Variants in SLC17A1 observed in about 807,000 individuals in gnomAD.
SLC17A1 encodes solute carrier family 17 member 1, also known as sodium-dependent phosphate transport protein 1.
A neutral mutation model predicts 53.5 loss-of-function variants in SLC17A1; 51 were observed. The ratio of observed to expected loss-of-function variants is 0.95; its 90% CI spans 0.76 to 1.20. The LOEUF is 1.20. Ranked by LOEUF, SLC17A1 falls within the 50% of genes most tolerant of loss-of-function variation. The pLI is 0.00. For missense variants in SLC17A1, 538 were observed against 568.2 expected, an observed-to-expected ratio of 0.95 and a Z score of 0.54; for synonymous variants, 179 against 198.8, an observed-to-expected ratio of 0.90 and a Z score of 0.84.
chr6:25,774,792 A>AAGTCAAG, the SLC17A1 span, among the ~76,000 whole-genome samples: 9 of 152,180 alleles, frequency 5.9e-5, no homozygotes. Context: ...CCAGGCTAAA[A>AAGTCAAG]AGTCAAGAGA....
the SLC17A1 span, among the ~76,000 whole-genome samples, chr6:25,760,163 G>T: frequency 9.2e-5 from 14 of 152,210 alleles, no homozygotes; most frequent in African/African-American, 2.6e-4. Flanking sequence ...AATAGGATCT[G>T]GTTCTTTTAA....
intron 3 of SLC17A1, among the ~76,000 whole-genome samples, chr6:25,824,273 A>T (rs868509665): frequency 1.3e-4 from 19 of 151,930 alleles, no homozygotes; most frequent in Non-Finnish European, 2.2e-4. Context: ...AAAAATGTGG[A>T]TCTACATTTA....
chr6:25,775,456 GACA>G, the SLC17A1 span, among the ~76,000 whole-genome samples: 1 of 151,642 alleles, frequency 6.6e-6, no homozygotes, highest in African/African-American at 2.4e-5. Flanking sequence ...TTTCTTTTGA[GACA>G]ACGTCTCACT....
downstream of SLC17A1, chr6:25,780,569 T>C (rs1763243544): frequency 2.0e-5 from 3 of 152,084 alleles, no homozygotes; most frequent in South Asian, 4.2e-4. Flanking sequence ...AAGGGAAGTA[T>C]GATTTGTGAG....
the SLC17A1 span, among the ~76,000 whole-genome samples, chr6:25,723,893 C>CA: frequency 6.6e-6 from 1 of 151,962 alleles, no homozygotes; most frequent in Non-Finnish European, 1.5e-5. Context: ...AACAACAGGA[C>CA]AAAATTATAT....
the SLC17A1 span, among the ~76,000 whole-genome samples, chr6:25,756,562 A>G: frequency 1.3e-5 from 2 of 151,984 alleles, no homozygotes; most frequent in Non-Finnish European, 2.9e-5. Context: ...TGCCTGCATC[A>G]CGCTGTCCCC....
chr6:25,740,534 A>T, the SLC17A1 span, among the ~76,000 whole-genome samples: 6 of 152,214 alleles, frequency 3.9e-5, no homozygotes, highest in Non-Finnish European at 8.8e-5. Flanking sequence ...AATAAAATGT[A>T]AGTTGCAAAA....
rs144651108 is a variant in SLC17A1 at position 25,826,559 on chromosome 6, G to A, written c.109C>T (p.Arg37Cys). The change falls in exon 3 of 13, where the codon CGT becomes TGT. Residue 37 changes from arginine (R) to cysteine (C), a missense_variant. Transcript: ENST00000244527. Reference sequence around the variant, plus strand: ...ACCATTGTGAGGTTCAGGCACGCACGCTGTGCTGTTATTATAACATTACAA... The same window carrying A: ...ACCATTGTGAGGTTCAGGCACGCACACTGTGCTGTTATTATAACATTACAA... ...HCCNVIITAQ[R>C]ACLNLTMVVM... 25 of 1,611,630 alleles carry A rather than the reference G, an allele frequency of 1.6e-5. No homozygotes were observed. The highest frequency in any genetic ancestry group is 1.7e-4 in the Middle Eastern group (1 of 6,056).
the SLC17A1 span, among the ~76,000 whole-genome samples, chr6:25,735,814 G>A: frequency 6.6e-6 from 1 of 152,150 alleles, no homozygotes; most frequent in Non-Finnish European, 1.5e-5. Context: ...GATGAAAATG[G>A]TCAATCAGGG....
chr6:25,736,469 A>C, the SLC17A1 span, among the ~76,000 whole-genome samples: 1 of 152,276 alleles, frequency 6.6e-6, no homozygotes, highest in East Asian at 1.9e-4. Context: ...ATAAGGAAGA[A>C]GCATGAAATT....
At chr6:25,796,386 T>G (rs1052903398) in intron 12 of SLC17A1, among the ~76,000 whole-genome samples, 3 of 152,076 alleles carry the variant, frequency 2.0e-5, no homozygotes, top group Non-Finnish European at 4.4e-5. Flanking sequence ...GAATTTTTAG[T>G]ACTTGCAATA....
chr6:25,829,551 G>T (rs1455525982), intron 2 of SLC17A1, among the ~76,000 whole-genome samples: 2 of 152,232 alleles, frequency 1.3e-5, no homozygotes, highest in East Asian at 3.9e-4. Flanking sequence ...TGTCAGAGAA[G>T]GGCTCATTGT....
chr6:25,779,304 A>C, downstream of SLC17A1: 1 of 1,405,836 alleles, frequency 7.1e-7, no homozygotes, highest in Non-Finnish European at 9.6e-7. Context: ...CTGACTATGT[A>C]ACGCTAAAGA....
chr6:25,811,850 T>C, intron 8 of SLC17A1, 80 bp from the exon 9 acceptor site: 1 of 1,449,556 alleles, frequency 6.9e-7, no homozygotes, highest in Non-Finnish European at 9.5e-7. Flanking sequence ...TATGCTAAAA[T>C]TTATTATCTA....
chr6:25,829,446 T>A (rs1764868926), intron 2 of SLC17A1, among the ~76,000 whole-genome samples: 1 of 152,162 alleles, frequency 6.6e-6, no homozygotes, highest in African/African-American at 2.4e-5. Flanking sequence ...AAACTCAGTA[T>A]CATAGGGAAG....
At chr6:25,746,836 A>G in the SLC17A1 span, among the ~76,000 whole-genome samples, 1 of 152,254 alleles carries the variant, frequency 6.6e-6, no homozygotes, top group East Asian at 1.9e-4. Context: ...CCAATGAAAA[A>G]CAATATGGCA....
the SLC17A1 span, among the ~76,000 whole-genome samples, chr6:25,766,458 T>C: frequency 7.2e-5 from 11 of 152,150 alleles, no homozygotes; most frequent in Non-Finnish European, 1.5e-4. Flanking sequence ...GACTGGTGCT[T>C]GTGACTTCTT....
At chr6:25,726,560 C>A in the SLC17A1 span, 1 of 1,584,548 alleles carries the variant, frequency 6.3e-7, no homozygotes, top group Non-Finnish European at 8.6e-7. Flanking sequence ...ACACGAGAAC[C>A]ACATTTCTAG....
the SLC17A1 span, chr6:25,726,291 A>T: frequency 6.2e-7 from 1 of 1,614,068 alleles, no homozygotes; most frequent in Non-Finnish European, 8.5e-7. Flanking sequence ...GGCGGGGAAT[A>T]ATGCGAGTTT....
Sources: allele counts gnomAD v4.1 joint callset (sites outside exome capture counted in the v4.1 genomes callset), GRCh38; gene constraint gnomAD v4.1.1; transcripts MANE v1.5; gene names NCBI Gene and HGNC (gene_info 2026-07-23, HGNC 2026-07-21).